Variants in OSMR observed in about 807,000 individuals in gnomAD.
The protein encoded by OSMR is oncostatin M receptor.
Under a neutral mutation model 99.9 loss-of-function variants are expected in OSMR, and 81 were observed. The observed-to-expected ratio is 0.81, with a 90% CI of 0.68 to 0.97. The LOEUF (loss-of-function observed/expected upper bound fraction) is 0.97. OSMR is among the 50% of genes least tolerant of loss of function. OSMR has a pLI of 0.00. For missense variants in OSMR, 1,099 were observed against 1,153.4 expected, an observed-to-expected ratio of 0.95 and a Z score of 0.68; for synonymous variants, 406 against 410.4, an observed-to-expected ratio of 0.99 and a Z score of 0.13.
At chr5:38,855,965 C>T (rs1364319141) in intron 1 of OSMR, among the ~76,000 whole-genome samples, 1 of 152,152 alleles carries the variant, frequency 6.6e-6, no homozygotes, top group East Asian at 1.9e-4. Context: ...TGCTTGTTCA[C>T]TCCTCTCTAG....
chr5:38,902,062 C>A (rs962983487), intron 7 of OSMR, among the ~76,000 whole-genome samples: 1 of 152,126 alleles, frequency 6.6e-6, no homozygotes, highest in Admixed American at 6.5e-5. Flanking sequence ...CCCTGGAGAG[C>A]CTTTTGCGAC....
intron 9 of OSMR, among the ~76,000 whole-genome samples, chr5:38,913,906 T>C (rs1297478768): frequency 6.6e-6 from 1 of 152,200 alleles, no homozygotes; most frequent in African/African-American, 2.4e-5. Context: ...TTGTTTGCAA[T>C]GTGTCATCTC....
chr5:38,889,419 A>G (rs1744007027), intron 7 of OSMR, among the ~76,000 whole-genome samples: 1 of 152,098 alleles, frequency 6.6e-6, no homozygotes, highest in African/African-American at 2.4e-5. Context: ...TTAAGAAATT[A>G]TCTGTTGTGT....
At chr5:38,907,699 C>T (rs960846663) in intron 9 of OSMR, among the ~76,000 whole-genome samples, 1 of 152,118 alleles carries the variant, frequency 6.6e-6, no homozygotes, top group African/African-American at 2.4e-5. Flanking sequence ...GGCACCTGAC[C>T]ATTGGAGATT....
At chr5:38,944,703 G>C in intron 2 of OSMR, 1 of 907,640 alleles carries the variant, frequency 1.1e-6, no homozygotes, top group Non-Finnish European at 1.6e-6. Context: ...CATTTTGGGA[G>C]CAAAACTCTA....
intron 15 of OSMR, among the ~76,000 whole-genome samples, chr5:38,930,365 C>T (rs1267907201): frequency 6.6e-6 from 1 of 152,160 alleles, no homozygotes; most frequent in Non-Finnish European, 1.5e-5. Context: ...TGCCTCATAG[C>T]ACGGGCTTGT....
intron 1 of OSMR, among the ~76,000 whole-genome samples, chr5:38,852,577 G>A (rs1327993807): frequency 6.6e-6 from 1 of 151,954 alleles, no homozygotes; most frequent in Non-Finnish European, 1.5e-5. Flanking sequence ...GTAGGGAAGG[G>A]TGATATTTGT....
intron 14 of OSMR, among the ~76,000 whole-genome samples, 195 bp downstream of exon 14, chr5:38,924,790 T>G (rs1746395485): frequency 6.6e-6 from 1 of 152,090 alleles, no homozygotes; most frequent in Non-Finnish European, 1.5e-5. Flanking sequence ...TTTAACTTAC[T>G]TAAAAAACAA....
rs1743482183 is a variant in OSMR, at chr5:38,883,743, T to A, written c.419-84T>A. On this transcript the variant is annotated intron_variant, in intron 4 of 17. Transcript: ENST00000274276. Reference sequence around the variant, plus strand: ...CAGGAGGTAGAAAAAGCTAAAGTTATCTGCTGAAGGCAAATGGATAACTTG... The same window carrying A: ...CAGGAGGTAGAAAAAGCTAAAGTTAACTGCTGAAGGCAAATGGATAACTTG... 3 of 1,606,880 alleles carry A rather than the reference T, an allele frequency of 1.9e-6. No homozygotes were observed. The South Asian group carries it at 3.3e-5, about 18-fold the overall frequency.
At chr5:38,936,991 G>T (rs564977371), downstream of OSMR, among the ~76,000 whole-genome samples, 16 of 152,314 alleles carry the variant, frequency 1.1e-4, 1 homozygote, top group South Asian at 3.1e-3. Flanking sequence ...CTTTTTTAAA[G>T]GATCAGCGGC....
At chr5:38,873,704 T>G (rs73075362) in intron 2 of OSMR, among the ~76,000 whole-genome samples, 158 of 152,358 alleles carry the variant, frequency 1.0e-3, no homozygotes, top group African/African-American at 3.7e-3. Flanking sequence ...TGGTACCTCT[T>G]TGTGATTTTG....
At chr5:38,914,313 C>T (rs1279333030) in intron 9 of OSMR, among the ~76,000 whole-genome samples, 1 of 152,238 alleles carries the variant, frequency 6.6e-6, no homozygotes, top group East Asian at 1.9e-4. Flanking sequence ...GCATCTATTG[C>T]CTTTTCTAAT....
chr5:38,872,100 C>T lies in OSMR; in HGVS notation c.73+2983C>T, dbSNP rs141375717. Among the ~76,000 whole-genome samples the T allele has an allele frequency of 3.3e-4, 51 of 152,268 alleles. 1 individual carries two copies. The East Asian group carries it at 8.7e-3, about 26-fold the overall frequency. ...GCAAAGTCACTTCCCATTTTTTAAC[C>T]TCAATTTCCTCGTCTGAAAAATAAT... On this transcript the variant is annotated intron_variant, in intron 2 of 17. Coordinates refer to ENST00000274276, the MANE Select transcript of OSMR (RefSeq NM_003999.3).
intron 1 of OSMR, among the ~76,000 whole-genome samples, chr5:38,857,796 T>C (rs1322858762): frequency 6.6e-6 from 1 of 152,040 alleles, no homozygotes; most frequent in African/African-American, 2.4e-5. Context: ...GCCTCCCGAG[T>C]AGCTGGGACT....
chr5:38,871,672 T>A (rs1203467499), intron 2 of OSMR, among the ~76,000 whole-genome samples: 1 of 152,232 alleles, frequency 6.6e-6, no homozygotes, highest in Non-Finnish European at 1.5e-5. Flanking sequence ...CTGTCTGTTG[T>A]GTATATGTAC....
At position 38,933,329 on chromosome 5, in the gene OSMR, G is replaced by A. The variant is rs1329967346; in HGVS notation, c.2825G>A (p.Cys942Tyr). The change falls in exon 18 of 18, where the codon TGT (cysteine) becomes TAT (tyrosine). Residue 942 changes from cysteine to tyrosine, a missense_variant. Physicochemically the swap from Cys to Tyr is radical, Grantham distance 194. Coordinates refer to ENST00000274276, the MANE Select transcript of OSMR (RefSeq NM_003999.3). Reference sequence around the variant, plus strand: ...ACAAACCCAGTAGAGGCACCACACTGTTCAGAGTATAAAATGCAAATGGCA... The same window carrying A: ...ACAAACCCAGTAGAGGCACCACACTATTCAGAGTATAAAATGCAAATGGCA... Reference protein sequence around the residue: ...LPTNPVEAPHCSEYKMQMAVS... With the variant: ...LPTNPVEAPHYSEYKMQMAVS... 1 of 1,614,188 alleles carries A rather than the reference G, an allele frequency of 6.2e-7. No homozygotes were observed. The highest frequency in any genetic ancestry group is 1.7e-5 in the Admixed American group (1 of 60,024).
chr5:38,866,160 T>C (rs1741923296), intron 1 of OSMR, among the ~76,000 whole-genome samples: 1 of 152,072 alleles, frequency 6.6e-6, no homozygotes, highest in Admixed American at 6.5e-5. Flanking sequence ...GGCCCCCGCT[T>C]CATGTGTGCA....
rs975122127 is a variant in OSMR, at chr5:38,864,077, G to A, written c.-13-4955G>A. Among the ~76,000 whole-genome samples the A allele has an allele frequency of 3.9e-4, 59 of 152,180 alleles. 1 individual carries two copies. The highest frequency in any genetic ancestry group is 3.7e-3 in the Admixed American group (57 of 15,276). ...AAAGTTTGTTTGTTGTAAGCAGCAT[G>A]TAGTTGGGTCATTTTTAAAAATCCT... On this transcript the variant is annotated intron_variant, in intron 1 of 17. Coordinates refer to ENST00000274276, the MANE Select transcript of OSMR (RefSeq NM_003999.3).
At chr5:38,848,415 C>G (rs1054365615) in intron 1 of OSMR, among the ~76,000 whole-genome samples, 2 of 152,184 alleles carry the variant, frequency 1.3e-5, no homozygotes, top group Non-Finnish European at 2.9e-5. Context: ...CTTCCCTCCT[C>G]ATTTTAGTTG....
Sources: allele counts gnomAD v4.1 joint callset (sites outside exome capture counted in the v4.1 genomes callset), GRCh38; gene constraint gnomAD v4.1.1; transcripts MANE v1.5; gene names NCBI Gene and HGNC (gene_info 2026-07-23, HGNC 2026-07-21).